Variants in RIMKLB observed in about 807,000 individuals in gnomAD.
RIMKLB encodes ribosomal modification protein rimK like family member B.
RIMKLB carries 7 observed loss-of-function variants against 32.0 expected under a neutral mutation model. That is an observed-to-expected ratio of 0.22 (90% confidence interval 0.12 to 0.41). RIMKLB has a LOEUF of 0.41. Ranked by LOEUF, RIMKLB falls within the 10% of genes least tolerant of loss-of-function variation. The pLI is 1.00. For missense variants in RIMKLB, 289 were observed against 498.7 expected (o/e 0.58, Z 4.00); for synonymous variants, 172 against 185.1 (o/e 0.93, Z 0.57).
chr12:8,745,437 C>G (rs149546654), intron 2 of RIMKLB, among the ~76,000 whole-genome samples: 29 of 151,710 alleles, frequency 1.9e-4, no homozygotes, highest in African/African-American at 7.1e-4. Context: ...TCTTGTTGCC[C>G]AGGCTGGAAT....
chr12:8,721,605 T>C (rs1044010550), intron 2 of RIMKLB, among the ~76,000 whole-genome samples: 4 of 152,224 alleles, frequency 2.6e-5, no homozygotes, highest in African/African-American at 9.7e-5. Flanking sequence ...TCTCTTGCCA[T>C]CTCCACCACA....
At chr12:8,731,596 G>A (rs1946552448) in intron 2 of RIMKLB, among the ~76,000 whole-genome samples, 1 of 152,054 alleles carries the variant, frequency 6.6e-6, no homozygotes, top group Non-Finnish European at 1.5e-5. Flanking sequence ...GCCTGGAAAT[G>A]TCTTTATTTG....
chr12:8,777,215 C>CTTGTTTTTTTT (rs1950777866), downstream of RIMKLB: 1 of 644,908 alleles, frequency 1.6e-6, no homozygotes, highest in Non-Finnish European at 1.8e-6. Context: ...TGCTTGCTTT[C>CTTGTTTTTTTT]TTTTTTTTTT....
chr12:8,688,865 C>T (rs148330441), intron 1 of RIMKLB, among the ~76,000 whole-genome samples: 2,879 of 151,632 alleles, frequency 0.019, 27 homozygotes, highest in Non-Finnish European at 0.027. Flanking sequence ...GGTGGAGTCT[C>T]GCTCTGTTGC....
chr12:8,711,427 G>C (rs1944366271), intron 1 of RIMKLB, among the ~76,000 whole-genome samples: 1 of 152,032 alleles, frequency 6.6e-6, no homozygotes. Flanking sequence ...GCAAACGGAT[G>C]AGTTTCAAGA....
chr12:8,718,357 T>C (rs937816145), intron 2 of RIMKLB, among the ~76,000 whole-genome samples: 1 of 152,100 alleles, frequency 6.6e-6, no homozygotes, highest in Non-Finnish European at 1.5e-5. Flanking sequence ...TTTAAAAATA[T>C]AACTGCGGCT....
upstream of RIMKLB, among the ~76,000 whole-genome samples, chr12:8,677,106 A>G (rs1304138351): frequency 6.6e-6 from 1 of 152,210 alleles, no homozygotes; most frequent in East Asian, 1.9e-4. Flanking sequence ...CTCTAGCTGT[A>G]GGAGAGTCTT....
At position 8,745,734 on chromosome 12, in the gene RIMKLB, G is replaced by A. The variant is rs775650970; in HGVS notation, c.176-4128G>A. Among the ~76,000 whole-genome samples, 9 of 136,908 alleles carry A rather than the reference G, an allele frequency of 6.6e-5. No homozygotes were observed. In the East Asian group the frequency reaches 1.1e-3, roughly 17 times the overall value. The allele number at this position is 136,908 out of a possible 152,430, so 89.8% of individuals were successfully genotyped here. ...TTTAAACACAGAAGTTCACTCTGTC[G>A]CCGAGGCTGGAGTGCAGTGGCTGGA... On this transcript the variant is annotated intron_variant, in intron 2 of 5. Transcript: ENST00000535829.
downstream of RIMKLB, chr12:8,777,217 T>A: frequency 1.2e-6 from 1 of 800,120 alleles, no homozygotes; most frequent in African/African-American, 3.2e-5. Flanking sequence ...CTTGCTTTCT[T>A]TTTTTTTTTT....
chr12:8,712,131 AGT>A lies in RIMKLB; in HGVS notation c.-56-1677_-56-1676del, dbSNP rs149419030. ...GAATATCCTGCTGTAGGGAAGCCAT[AGT>A]GTTTATATATTTTTCATTTTAATGA... On this transcript the variant is annotated intron_variant, in intron 1 of 5. Coordinates refer to ENST00000535829, the MANE Select transcript of RIMKLB (RefSeq NM_001297776.2). 3.7e-3 allele frequency among the ~76,000 whole-genome samples: 567 copies of A among 152,220 alleles called. 4 individuals carry two copies. Among genetic ancestry groups the A allele is most frequent in the African/African-American group, 0.013 (543 of 41,526 alleles).
chr12:8,707,429 C>T (rs997884851), intron 1 of RIMKLB, among the ~76,000 whole-genome samples: 2 of 152,182 alleles, frequency 1.3e-5, no homozygotes, highest in Non-Finnish European at 2.9e-5. Flanking sequence ...GGAAAAGGGG[C>T]ACGGAGCTTC....
At chr12:8,716,604 TA>T (rs1411256125) in intron 2 of RIMKLB, among the ~76,000 whole-genome samples, 2 of 149,888 alleles carry the variant, frequency 1.3e-5, no homozygotes, top group Admixed American at 1.3e-4. Context: ...TAATTAATAG[TA>T]AAAGAAAGAG....
upstream of RIMKLB, among the ~76,000 whole-genome samples, chr12:8,696,542 TA>T (rs1198071890): frequency 6.6e-6 from 1 of 152,202 alleles, no homozygotes; most frequent in Non-Finnish European, 1.5e-5. Flanking sequence ...ATTTACTCCT[TA>T]TGACAACTCC....
At chr12:8,731,898 A>G (rs1946582231) in intron 2 of RIMKLB, among the ~76,000 whole-genome samples, 1 of 152,092 alleles carries the variant, frequency 6.6e-6, no homozygotes, top group Non-Finnish European at 1.5e-5. Context: ...TTTCATCAGG[A>G]TAGAATTCAT....
At chr12:8,671,064 C>A in the RIMKLB span, among the ~76,000 whole-genome samples, 1 of 152,060 alleles carries the variant, frequency 6.6e-6, no homozygotes, top group Admixed American at 6.5e-5. Context: ...AGACTCTGGA[C>A]CCAGCTCATG....
chr12:8,707,163 G>A (rs60266185), intron 1 of RIMKLB, among the ~76,000 whole-genome samples: 1 of 152,168 alleles, frequency 6.6e-6, no homozygotes, highest in African/African-American at 2.4e-5. Flanking sequence ...ACGGACACCA[G>A]CTAGGTGTCC....
intron 1 of RIMKLB, among the ~76,000 whole-genome samples, chr12:8,701,504 G>A (rs914075868): frequency 6.6e-6 from 1 of 151,648 alleles, no homozygotes; most frequent in African/African-American, 2.4e-5. Flanking sequence ...CCTAGAGGCT[G>A]GTCTGCATGG....
intron 2 of RIMKLB, among the ~76,000 whole-genome samples, chr12:8,718,657 A>ATGTGTGTGTGTGTGTG (rs1394689486): frequency 4.5e-5 from 6 of 133,536 alleles, no homozygotes; most frequent in African/African-American, 1.9e-4. Flanking sequence ...CTCTCTCTAT[A>ATGTGTGTGTGTGTGTG]TATATATATA....
intron 2 of RIMKLB, among the ~76,000 whole-genome samples, chr12:8,736,413 T>C (rs1439795753): frequency 2.6e-5 from 4 of 152,182 alleles, no homozygotes; most frequent in African/African-American, 9.7e-5. Context: ...TTTTCACCCA[T>C]TGTTAATATT....
Sources: gnomAD v4.1 joint callset for allele counts (sites outside exome capture counted in the v4.1 genomes callset) on GRCh38, gnomAD v4.1.1 for gene constraint, MANE v1.5 for transcripts, NCBI Gene and HGNC (gene_info 2026-07-23, HGNC 2026-07-21) for gene names.